DNAJC25: variants seen among roughly 807,000 people sequenced by gnomAD.
DNAJC25 encodes the protein dnaJ homolog subfamily C member 25.
A neutral mutation model predicts 42.1 loss-of-function variants in DNAJC25; 26 were observed. That is an observed-to-expected ratio of 0.62 (90% CI 0.45 to 0.86). The LOEUF (loss-of-function observed/expected upper bound fraction) is 0.86. Among genes scored for constraint, DNAJC25 ranks in the 40% least tolerant of loss-of-function variants. The pLI is 0.00. For missense variants in DNAJC25, 404 were observed against 459.4 expected, an observed-to-expected ratio of 0.88 and a Z score of 1.10; for synonymous variants, 189 against 179.9, an observed-to-expected ratio of 1.05 and a Z score of -0.40.
chr9:111,643,038 C>G (rs1321238481), intron 1 of DNAJC25: 8 of 383,108 alleles, frequency 2.1e-5, no homozygotes, highest in Non-Finnish European at 3.3e-5. Context: ...ATCTCCAGAC[C>G]CTGGGACCTT....
At chr9:111,648,076 C>G (rs1830594426) in intron 2 of DNAJC25, among the ~76,000 whole-genome samples, 1 of 152,196 alleles carries the variant, frequency 6.6e-6, no homozygotes, top group Admixed American at 6.5e-5. Flanking sequence ...TGTGCCCGGC[C>G]AGGAACTTTT....
chr9:111,642,909 C>T (rs1830505462), intron 1 of DNAJC25: 1 of 471,122 alleles, frequency 2.1e-6, no homozygotes, highest in Admixed American at 2.3e-5. Flanking sequence ...CCAGCAGAAG[C>T]ACCACAGTTA....
At chr9:111,648,556 C>A (rs1394338203) in intron 2 of DNAJC25, among the ~76,000 whole-genome samples, 1 of 152,100 alleles carries the variant, frequency 6.6e-6, no homozygotes. Flanking sequence ...AGGCATGAGC[C>A]CCTGCACTTG....
intron 1 of DNAJC25, among the ~76,000 whole-genome samples, chr9:111,641,529 G>C (rs1375019973): frequency 1.0e-5 from 1 of 95,376 alleles, no homozygotes; most frequent in Non-Finnish European, 2.0e-5. Flanking sequence ...GGAGGGAGGT[G>C]GGGGGGTCGG....
At chr9:111,647,379 C>A (rs1830583058) in intron 2 of DNAJC25, 120 bp downstream of exon 2, 3 of 1,274,906 alleles carry the variant, frequency 2.4e-6, no homozygotes, top group Non-Finnish European at 3.2e-6. Context: ...TAGTTGAGAT[C>A]TGTTTTAGTC....
Position 111,647,141 on chromosome 9 carries a change from T to C in DNAJC25, c.371T>C (p.Leu124Pro). ...ACACGAAAAGATTATGATTACATGC[T>C]GGATCATCCAGAAGAGTACTACAGC... ...EETRKDYDYM[L>P]DHPEEYYSHY... The change falls in exon 2 of 4, where the codon CTG (leucine) becomes CCG (proline). Residue 124 changes from leucine to proline, a missense_variant. Coordinates refer to ENST00000313525, the MANE Select transcript of DNAJC25 (RefSeq NM_001015882.3). 6.2e-7 allele frequency: 1 copy of C among 1,614,118 alleles called. No individual in the cohort carries two copies. The highest frequency in any genetic ancestry group is 8.5e-7 in the Non-Finnish European group (1 of 1,180,002).
chr9:111,637,213 C>G (rs866236392), intron 1 of DNAJC25, among the ~76,000 whole-genome samples: 3 of 152,014 alleles, frequency 2.0e-5, no homozygotes, highest in Non-Finnish European at 2.9e-5. Context: ...TGGGAGCCTG[C>G]GAGGTGCCGT....
At chr9:111,650,276 C>T (rs553794226) in intron 3 of DNAJC25, among the ~76,000 whole-genome samples, 4 of 148,562 alleles carry the variant, frequency 2.7e-5, no homozygotes, top group African/African-American at 7.5e-5. Context: ...TCTTCCAATA[C>T]TGTAAACCTA....
In DNAJC25 at chr9:111,633,224, A is replaced by G. The variant is rs62569892; in HGVS notation, c.336+1481A>G. Among the ~76,000 whole-genome samples, 452 of 152,282 alleles carry G rather than the reference A, an allele frequency of 3.0e-3. 2 individuals carry two copies. Among genetic ancestry groups the G allele is most frequent in the Non-Finnish European group, 5.5e-3 (374 of 68,020 alleles). ...CCCTGGACCAGTGTGTGAAATCATA[A>G]TGGGATTTACTAGGGATAGTAAAAT... On this transcript the variant is annotated intron_variant, in intron 1 of 3. Transcript: ENST00000313525.
In DNAJC25 at chr9:111,653,199, C is replaced by A. The variant is rs759474697; in HGVS notation, c.1060C>A (p.Arg354=). The A allele has an allele frequency of 1.9e-6, 3 of 1,587,070 alleles. No individual in the cohort carries two copies. Among genetic ancestry groups the A allele is most frequent in the Non-Finnish European group, 1.7e-6 (2 of 1,165,568 alleles). The change falls in exon 4 of 4, where the codon CGG becomes AGG. Residue 354 remains arginine, a synonymous_variant. Transcript: ENST00000313525. Reference sequence around the variant, plus strand: ...ATGGATGAAGAATGAAGGGCCTGGGCGGTTAACATTTGTGGATGACTGAAG... The same window carrying A: ...ATGGATGAAGAATGAAGGGCCTGGGAGGTTAACATTTGTGGATGACTGAAG... ...RRWMKNEGPG[R]LTFVDD is the part of the protein sequence containing the mutation.
chr9:111,637,613 C>G (rs1830382852), intron 1 of DNAJC25, among the ~76,000 whole-genome samples: 1 of 152,168 alleles, frequency 6.6e-6, no homozygotes, highest in African/African-American at 2.4e-5. Context: ...TGTTCACTGT[C>G]TTTACTTTCT....
rs1424379624 is a variant in DNAJC25, at chr9:111,640,995, G to A, written c.337-6112G>A. Among the ~76,000 whole-genome samples the A allele has an allele frequency of 1.9e-5, 2 of 103,952 alleles. 1 individual carries two copies. Among genetic ancestry groups the A allele is most frequent in the Non-Finnish European group, 3.6e-5 (2 of 55,044 alleles). 68.2% of individuals were successfully genotyped at this position (103,952 alleles called of 152,430 possible). A position where few individuals can be genotyped will look rare whatever the true frequency, so the allele number is the denominator to read the frequency against. ...CTGGCCAGCCGTGCCGTCCGGGAGG[G>A]AGGTGGGGGGGTCAGCCCCGCGCCC... On this transcript the variant is annotated intron_variant, in intron 1 of 3. Transcript: ENST00000313525.
At chr9:111,642,835 C>G (rs941064414) in intron 1 of DNAJC25, 1 of 470,382 alleles carries the variant, frequency 2.1e-6, no homozygotes, top group Non-Finnish European at 4.4e-6. Context: ...CACTTTTGAT[C>G]TAGATATTGG....
chr9:111,645,457 G>A (rs1223880370), intron 1 of DNAJC25, among the ~76,000 whole-genome samples: 1 of 152,130 alleles, frequency 6.6e-6, no homozygotes, highest in Non-Finnish European at 1.5e-5. Flanking sequence ...ATTTTGCCAT[G>A]TTGGCCAGGC....
rs567091801 is a variant in DNAJC25 at position 111,647,163 on chromosome 9, C to T, written c.393C>T (p.Tyr131=). 6.2e-7 allele frequency: 1 copy of T among 1,614,152 alleles called. No individual in the cohort carries two copies. The highest frequency in any genetic ancestry group is 2.2e-5 in the East Asian group (1 of 44,876). Residue 131 remains tyrosine (Y), a synonymous_variant, in exon 2 of 4, where the codon TAC becomes TAT. Transcript: ENST00000313525. ...TGCTGGATCATCCAGAAGAGTACTA[C>T]AGCCATTACTACCACTACTATAGCA... The part of the protein sequence containing the change: ...DYMLDHPEEY[Y]SHYYHYYSRR...
intron 1 of DNAJC25, among the ~76,000 whole-genome samples, chr9:111,637,813 C>T (rs1830386504): frequency 1.3e-5 from 2 of 152,210 alleles, no homozygotes; most frequent in African/African-American, 4.8e-5. Flanking sequence ...TTAAGGTGTT[C>T]TTCCCTGACT....
intron 2 of DNAJC25, 61 bp downstream of exon 2, chr9:111,647,320 C>T: frequency 1.3e-6 from 2 of 1,559,522 alleles, no homozygotes; most frequent in Non-Finnish European, 1.7e-6. Context: ...TTGCCTAGTG[C>T]TAGTCATTAA....
chr9:111,642,972 G>A (rs1408812684), intron 1 of DNAJC25: 1 of 470,442 alleles, frequency 2.1e-6, no homozygotes, highest in South Asian at 1.6e-5. Context: ...TCAAGGCTCA[G>A]GACAGACAGG....
At chr9:111,643,941 G>A (rs894930770) in intron 1 of DNAJC25, among the ~76,000 whole-genome samples, 10 of 152,152 alleles carry the variant, frequency 6.6e-5, no homozygotes, top group African/African-American at 2.2e-4. Flanking sequence ...GACTTAGGCT[G>A]TTGAGAACTC....
Sources: gnomAD v4.1 joint callset for allele counts (sites outside exome capture counted in the v4.1 genomes callset) on GRCh38, gnomAD v4.1.1 for gene constraint, MANE v1.5 for transcripts, NCBI Gene and HGNC (gene_info 2026-07-23, HGNC 2026-07-21) for gene names.